The following DRD3 variants were observed in gnomAD, a reference collection of about 807,000 sequenced individuals.
DRD3 encodes dopamine receptor D3, also known as D(3) dopamine receptor.
Under a neutral mutation model 36.3 loss-of-function variants are expected in DRD3, and 19 were observed. That is an observed-to-expected ratio of 0.52 (90% CI 0.36 to 0.77). The LOEUF (loss-of-function observed/expected upper bound fraction) is 0.77. Ranked by LOEUF, DRD3 falls within the 30% of genes least tolerant of loss-of-function variation. DRD3 has a pLI of 0.00. For missense variants in DRD3, 465 were observed against 505.3 expected, an observed-to-expected ratio of 0.92 and a Z score of 0.77; for synonymous variants, 195 against 203.7, an observed-to-expected ratio of 0.96 and a Z score of 0.36.
chr3:114,185,662 C>T (rs548613630), intron 1 of DRD3, among the ~76,000 whole-genome samples: 1 of 151,550 alleles, frequency 6.6e-6, no homozygotes, highest in South Asian at 2.1e-4. Flanking sequence ...TTTTCTGTTT[C>T]TTCATGTGCC....
Position 114,139,711 on chromosome 3 carries a change from G to C in DRD3, c.527-15C>G. The C allele has an allele frequency of 1.2e-6, 2 of 1,612,734 alleles. No individual in the cohort carries two copies. Among genetic ancestry groups the C allele is most frequent in the South Asian group, 1.1e-5 (1 of 90,884 alleles). The stretch of plus-strand genomic sequence containing the variant: ...AGTGGGGTCCCCTGTGGATGAGAAG[G>C]GGGAAGGTAAAGCAGTTAGCAAGTA... On this transcript the variant is annotated splice_polypyrimidine_tract_variant and intron_variant, in intron 4 of 6. Transcript: ENST00000383673.
At chr3:114,142,872 A>T (rs1292488318) in intron 4 of DRD3, among the ~76,000 whole-genome samples, 1 of 152,202 alleles carries the variant, frequency 6.6e-6, no homozygotes, top group Non-Finnish European at 1.5e-5. Context: ...TCCCTTTCTT[A>T]GATCAAGCAT....
intron 2 of DRD3, among the ~76,000 whole-genome samples, chr3:114,161,135 G>A (rs2077728671): frequency 6.6e-6 from 1 of 152,082 alleles, no homozygotes; most frequent in Admixed American, 6.5e-5. Flanking sequence ...TGTCATTCTT[G>A]GGGACCCTAG....
chr3:114,157,783 A>T (rs548921642), intron 3 of DRD3, among the ~76,000 whole-genome samples: 6 of 152,098 alleles, frequency 3.9e-5, no homozygotes, highest in Non-Finnish European at 8.8e-5. Context: ...AATGCTGAAA[A>T]TAATACCATT....
rs2077392563 is a variant in DRD3, at chr3:114,127,743, C to T, written c.*973G>A. Among the ~76,000 whole-genome samples the T allele has an allele frequency of 6.6e-6, 1 of 152,198 alleles. No individual in the cohort carries two copies. Among genetic ancestry groups the T allele is most frequent in the African/African-American group, 2.4e-5 (1 of 41,448 alleles). On this transcript the variant is annotated 3_prime_UTR_variant, in exon 7 of 7. Coordinates refer to ENST00000383673, the MANE Select transcript of DRD3 (RefSeq NM_000796.6). ...TATGATGTTGCAACAGCTATGACAT[C>T]ATTAAGTGATAGAAATTCTTCAGCT...
At chr3:114,150,137 G>A (rs1322634614) in intron 3 of DRD3, among the ~76,000 whole-genome samples, 1 of 146,434 alleles carries the variant, frequency 6.8e-6, no homozygotes, top group South Asian at 2.2e-4. Context: ...CTCAACTTAC[G>A]TTGCCAATCT....
chr3:114,164,804 T>C (rs2077767331), intron 2 of DRD3, among the ~76,000 whole-genome samples: 1 of 152,246 alleles, frequency 6.6e-6, no homozygotes, highest in African/African-American at 2.4e-5. Context: ...CCGGCTGGAG[T>C]GCAGTGGCAC....
intron 2 of DRD3, among the ~76,000 whole-genome samples, chr3:114,166,579 T>C (rs1194126893): frequency 6.6e-6 from 1 of 152,178 alleles, no homozygotes; most frequent in Non-Finnish European, 1.5e-5. Context: ...GGCCTCTTGA[T>C]CTTAGACTTC....
intron 3 of DRD3, among the ~76,000 whole-genome samples, chr3:114,150,312 C>T (rs981393458): frequency 1.3e-5 from 2 of 152,228 alleles, no homozygotes; most frequent in African/African-American, 4.8e-5. Context: ...TTTCCAGCCA[C>T]CTTCCCACTT....
At chr3:114,172,155 T>A in intron 1 of DRD3, 128 bp from the exon 2 acceptor site, 1 of 720,194 alleles carries the variant, frequency 1.4e-6, no homozygotes, top group Non-Finnish European at 2.0e-6. Context: ...GGCACTGTTG[T>A]GAGAGTTGGA....
intron 4 of DRD3, among the ~76,000 whole-genome samples, chr3:114,143,081 C>A (rs887919447): frequency 6.6e-6 from 1 of 152,200 alleles, no homozygotes; most frequent in Non-Finnish European, 1.5e-5. Context: ...AGCTGTAATG[C>A]CCCCCAGAAG....
intron 1 of DRD3, among the ~76,000 whole-genome samples, chr3:114,198,859 T>C (rs1168216026): frequency 6.6e-6 from 1 of 152,170 alleles, no homozygotes; most frequent in Non-Finnish European, 1.5e-5. Context: ...CACCTCAGCC[T>C]CTCAAGTAGC....
intron 3 of DRD3, among the ~76,000 whole-genome samples, chr3:114,157,280 C>T (rs1323149163): frequency 6.6e-6 from 1 of 152,078 alleles, no homozygotes; most frequent in Non-Finnish European, 1.5e-5. Context: ...TCTCGAACTC[C>T]TGACCTCAAA....
rs144005981 is a variant in DRD3, at chr3:114,164,786, G to A, written c.271-4919C>T. Among the ~76,000 whole-genome samples, 71 of 152,188 alleles carry A rather than the reference G, an allele frequency of 4.7e-4. 1 individual carries two copies. In the East Asian group the frequency reaches 0.012, roughly 26 times the overall value. Reference sequence around the variant, plus strand: ...TTTCTTTTTTGAGATGGAGTCTCGCGCTGTCGCCCGGCTGGAGTGCAGTGG... The same window carrying A: ...TTTCTTTTTTGAGATGGAGTCTCGCACTGTCGCCCGGCTGGAGTGCAGTGG... On this transcript the variant is annotated intron_variant, in intron 2 of 6. Coordinates refer to ENST00000383673, the MANE Select transcript of DRD3 (RefSeq NM_000796.6).
chr3:114,178,649 T>C lies in DRD3; in HGVS notation c.-36+8A>G, dbSNP rs1329326951. The C allele has an allele frequency of 6.6e-6, 1 of 151,962 alleles. No homozygotes were observed. Among genetic ancestry groups the C allele is most frequent in the Non-Finnish European group, 1.5e-5 (1 of 67,948 alleles). The allele number at this position is 151,962 out of a possible 1,614,324, so 9.4% of individuals were successfully genotyped here. ...CCTAAATTAGAAACGAAAAGAAAAA[T>C]TACTTACCCTAAAATTTTCTTCTGA... On this transcript the variant is annotated splice_region_variant and intron_variant, in intron 1 of 6. Transcript: ENST00000383673.
intron 5 of DRD3, 116 bp from the exon 6 acceptor site, chr3:114,131,516 A>T: frequency 7.3e-7 from 1 of 1,368,848 alleles, no homozygotes; most frequent in Non-Finnish European, 9.8e-7. Context: ...GTTGTGGGAA[A>T]CCTACAAAGG....
rs1319297234 is a variant in DRD3, at chr3:114,137,834, A to C, written c.723+1666T>G. Among the ~76,000 whole-genome samples the C allele has an allele frequency of 3.1e-4, 9 of 29,254 alleles. No homozygotes were observed. The East Asian group carries it at 0.025, about 82-fold the overall frequency. 19.2% of individuals were successfully genotyped at this position (29,254 alleles called of 152,430 possible). A position where few individuals can be genotyped will look rare whatever the true frequency, so the allele number is the denominator to read the frequency against. On this transcript the variant is annotated intron_variant, in intron 5 of 6. Transcript: ENST00000383673. ...GTGAAACCCCGTCTCTACTAAAAAT[A>C]CAAAAAAAAAAAAATTAGCCGGGCG...
Position 114,147,444 on chromosome 3 carries a change from C to A in DRD3, c.497G>T (p.Cys166Phe). The change falls in exon 4 of 7, where the codon TGC becomes TTC. Residue 166 changes from cysteine (C) to phenylalanine (F), a missense_variant. Transcript: ENST00000383673. ...AVWVLAFAVS[C>F]PLLFGFNTTG... ...GGTATTAAAGCCAAACAGAAGAGGG[C>A]AGGACACAGCAAAGGCCAGTACCCA... 1 of 1,613,726 alleles carries A rather than the reference C, an allele frequency of 6.2e-7. No homozygotes were observed. The highest frequency in any genetic ancestry group is 1.1e-5 in the South Asian group (1 of 91,056).
chr3:114,138,538 C>T (rs1055809069), intron 5 of DRD3, among the ~76,000 whole-genome samples: 5 of 152,128 alleles, frequency 3.3e-5, no homozygotes, highest in Admixed American at 3.3e-4. Context: ...GAAAGACCCA[C>T]CCCCATCATT....
Sources: allele counts gnomAD v4.1 joint callset (sites outside exome capture counted in the v4.1 genomes callset), GRCh38; gene constraint gnomAD v4.1.1; transcripts MANE v1.5; gene names NCBI Gene and HGNC (gene_info 2026-07-23, HGNC 2026-07-21).